AGTR1: variants seen among roughly 807,000 people sequenced by gnomAD.
AGTR1 encodes angiotensin II receptor type 1.
A neutral mutation model predicts 19.4 loss-of-function variants in AGTR1; 16 were observed. The observed-to-expected ratio is 0.82, with a 90% CI of 0.56 to 1.25. The LOEUF (loss-of-function observed/expected upper bound fraction) is 1.25. Ranked by LOEUF, AGTR1 falls within the 50% of genes most tolerant of loss-of-function variation. The pLI is 0.00. For missense variants in AGTR1, 373 were observed against 431.9 expected, an observed-to-expected ratio of 0.86 and a Z score of 1.21; for synonymous variants, 153 against 154.9, an observed-to-expected ratio of 0.99 and a Z score of 0.09.
intron 1 of AGTR1, among the ~76,000 whole-genome samples, chr3:148,700,159 G>A (rs1047962683): frequency 6.6e-6 from 1 of 150,716 alleles, no homozygotes; most frequent in African/African-American, 2.5e-5. Flanking sequence ...AGAGTTGTGT[G>A]AGTATTTGTG....
intron 2 of AGTR1, chr3:148,731,058 G>A (rs771744352): frequency 2.0e-5 from 3 of 152,192 alleles, no homozygotes; most frequent in African/African-American, 7.2e-5. Flanking sequence ...ATGTTGAAAT[G>A]ACAATAGTTT....
chr3:148,728,913 T>C (rs571660018), intron 2 of AGTR1, among the ~76,000 whole-genome samples: 2 of 152,362 alleles, frequency 1.3e-5, no homozygotes, highest in African/African-American at 4.8e-5. Flanking sequence ...TATTTGAAAT[T>C]TCTGCTGGCT....
intron 2 of AGTR1, among the ~76,000 whole-genome samples, chr3:148,732,525 T>G (rs544841045): frequency 2.2e-4 from 33 of 152,298 alleles, no homozygotes; most frequent in African/African-American, 6.0e-4. Flanking sequence ...AAAGAGTTCT[T>G]GTGTTTAATA....
At chr3:148,727,826 T>C (rs922737350) in intron 2 of AGTR1, among the ~76,000 whole-genome samples, 9 of 152,190 alleles carry the variant, frequency 5.9e-5, no homozygotes, top group African/African-American at 2.2e-4. Context: ...ATTTATTTCA[T>C]AAAAGGTGAG....
intron 1 of AGTR1, among the ~76,000 whole-genome samples, chr3:148,701,437 A>G (rs1382155317): frequency 1.3e-5 from 2 of 152,242 alleles, no homozygotes; most frequent in South Asian, 2.1e-4. Context: ...ATTGTCTTCC[A>G]AAATATTTAA....
At chr3:148,725,565 C>T (rs889148144) in intron 2 of AGTR1, among the ~76,000 whole-genome samples, 1 of 152,084 alleles carries the variant, frequency 6.6e-6, no homozygotes, top group African/African-American at 2.4e-5. Flanking sequence ...CTGCAACCTT[C>T]GCCTCCTCCT....
At chr3:148,701,726 T>C (rs2107923609) in intron 1 of AGTR1, among the ~76,000 whole-genome samples, 1 of 152,226 alleles carries the variant, frequency 6.6e-6, no homozygotes, top group Non-Finnish European at 1.5e-5. Context: ...GTGTGCCTTG[T>C]TTCCTATTAT....
chr3:148,700,260 T>A (rs1001186521), intron 1 of AGTR1, among the ~76,000 whole-genome samples: 9 of 152,168 alleles, frequency 5.9e-5, no homozygotes, highest in African/African-American at 2.2e-4. Context: ...AATGACTAAT[T>A]TTCCCCTATG....
At chr3:148,718,439 A>C (rs761375889) in intron 2 of AGTR1, among the ~76,000 whole-genome samples, 1 of 152,130 alleles carries the variant, frequency 6.6e-6, no homozygotes, top group Non-Finnish European at 1.5e-5. Context: ...AGGTTTCTGG[A>C]AGGCTCAGAG....
intron 1 of AGTR1, among the ~76,000 whole-genome samples, chr3:148,702,880 GAAAT>G (rs1324101613): frequency 6.6e-5 from 10 of 152,076 alleles, no homozygotes; most frequent in African/African-American, 2.2e-4. Context: ...GAAATGTTAA[GAAAT>G]AAATAATTTT....
At chr3:148,714,908 G>T (rs563318582) in intron 2 of AGTR1, among the ~76,000 whole-genome samples, 2 of 152,172 alleles carry the variant, frequency 1.3e-5, no homozygotes, top group East Asian at 3.9e-4. Context: ...GTGCAACATT[G>T]CCACTAGATT....
rs541970100 is a variant in AGTR1, at chr3:148,705,562, G to T, written c.-131-2382G>T. On this transcript the variant is annotated intron_variant, in intron 1 of 2. Transcript: ENST00000349243. ...GAAAAAGATGTGATTCTTGGGTAAT[G>T]ATTTCTTGAGTATGTCCTGGTCTAT... 1.3e-4 allele frequency among the ~76,000 whole-genome samples: 20 copies of T among 152,214 alleles called. No homozygotes were observed. In the South Asian group the frequency reaches 3.3e-3, roughly 25 times the overall value.
intron 2 of AGTR1, 63 bp from the exon 3 acceptor site, chr3:148,740,922 ATGTT>A (rs1714833970): frequency 5.7e-6 from 8 of 1,391,764 alleles, no homozygotes; most frequent in South Asian, 3.9e-5. Flanking sequence ...TGAGAAATGA[ATGTT>A]TGTTAGTTTG....
chr3:148,730,477 C>T, intron 2 of AGTR1: 1 of 344,594 alleles, frequency 2.9e-6, no homozygotes, highest in Non-Finnish European at 5.2e-6. Context: ...TACGCCAGTC[C>T]TGAATGTGTA....
At position 148,710,960 on chromosome 3, in the gene AGTR1, C is replaced by T. The variant is rs116502833; in HGVS notation, c.-48+2933C>T. Among the ~76,000 whole-genome samples the T allele has an allele frequency of 4.0e-3, 607 of 152,256 alleles. 6 individuals carry two copies. The highest frequency in any genetic ancestry group is 0.014 in the African/African-American group (587 of 41,542). The stretch of plus-strand genomic sequence containing the variant: ...ATGCTGGTTCCCTATCACCTTCTGC[C>T]ATGATTGTAAGCATCCTGTGGCCTC... On this transcript the variant is annotated intron_variant, in intron 2 of 2. Transcript: ENST00000349243.
chr3:148,729,194 G>A (rs1714114297), intron 2 of AGTR1, among the ~76,000 whole-genome samples: 1 of 152,200 alleles, frequency 6.6e-6, no homozygotes, highest in Admixed American at 6.5e-5. Context: ...ACGTGAAGGT[G>A]AGCAGAGGAG....
rs1328642212 is a variant in AGTR1 at position 148,742,142 on chromosome 3, A to C, written c.*27A>C. 6.2e-7 allele frequency: 1 copy of C among 1,613,238 alleles called. No individual in the cohort carries two copies. Among genetic ancestry groups the C allele is most frequent in the Non-Finnish European group, 8.5e-7 (1 of 1,179,290 alleles). On this transcript the variant is annotated 3_prime_UTR_variant, in exon 3 of 3. Coordinates refer to ENST00000349243, the MANE Select transcript of AGTR1 (RefSeq NM_000685.5). ...ATGTTCGAAACCTGTCCATAAAGTA[A>C]TTTTGTGAAAGAAGGAGCAAGAGAA...
chr3:148,740,978 A>AT lies in AGTR1; in HGVS notation c.-47-7dup. 2.5e-6 allele frequency: 4 copies of AT among 1,596,218 alleles called. No individual in the cohort carries two copies. The highest frequency in any genetic ancestry group is 3.4e-6 in the Non-Finnish European group (4 of 1,174,094). On this transcript the variant is annotated splice_polypyrimidine_tract_variant and intron_variant, in intron 2 of 2. Coordinates refer to ENST00000349243, the MANE Select transcript of AGTR1 (RefSeq NM_000685.5). ...ATTTTTTCTTTACCATTTTATTTTT[A>AT]TTTTCCCCAGGTGTATTTGATATAG...
chr3:148,702,956 T>A (rs1379325074), intron 1 of AGTR1, among the ~76,000 whole-genome samples: 1 of 152,214 alleles, frequency 6.6e-6, no homozygotes, highest in Non-Finnish European at 1.5e-5. Context: ...GCTTTTGTCT[T>A]GCTAATTGAA....
Sources: gnomAD v4.1 joint callset for allele counts (sites outside exome capture counted in the v4.1 genomes callset) on GRCh38, gnomAD v4.1.1 for gene constraint, MANE v1.5 for transcripts, NCBI Gene and HGNC (gene_info 2026-07-23, HGNC 2026-07-21) for gene names.